RPA2: variants seen among roughly 807,000 people sequenced by gnomAD.
RPA2 encodes the protein replication protein A2.
In RPA2, 22 loss-of-function variants were observed where a neutral mutation model predicts 33.4. The ratio of observed to expected loss-of-function variants is 0.66; its 90% CI spans 0.47 to 0.94. The LOEUF (loss-of-function observed/expected upper bound fraction) is 0.94. Ranked by LOEUF, RPA2 falls within the 40% of genes least tolerant of loss-of-function variation. The pLI is 0.00. For missense variants in RPA2, 279 were observed against 329.9 expected, an observed-to-expected ratio of 0.85 and a Z score of 1.19; for synonymous variants, 109 against 114.9, an observed-to-expected ratio of 0.95 and a Z score of 0.33.
chr1:27,907,555 G>C (rs770432057), intron 2 of RPA2, among the ~76,000 whole-genome samples: 8 of 152,158 alleles, frequency 5.3e-5, no homozygotes, highest in Non-Finnish European at 1.2e-4. Flanking sequence ...AGGTCAGAGT[G>C]GGGGACAGGA....
In RPA2 at chr1:27,914,188, T is replaced by A. The variant is rs1291932875; in HGVS notation, c.11-19A>T. On this transcript the variant is annotated intron_variant, in intron 1 of 8. Coordinates refer to ENST00000373912, the MANE Select transcript of RPA2 (RefSeq NM_002946.5). ...AATCCACCTGTTTTGAACAACAGGA[T>A]TAGTGCCTGTGCCACGTCCCACGCC... The A allele has an allele frequency of 6.2e-7, 1 of 1,613,578 alleles. No individual in the cohort carries two copies. The highest frequency in any genetic ancestry group is 1.7e-5 in the Admixed American group (1 of 59,932).
chr1:27,894,165 A>G (rs1320099951), intron 7 of RPA2, 59 bp from the exon 8 acceptor site: 3 of 1,538,662 alleles, frequency 1.9e-6, no homozygotes, highest in Non-Finnish European at 2.7e-6. Flanking sequence ...CCCCTTTGCA[A>G]ACCTGAGTCC....
Position 27,902,552 on chromosome 1 carries a change from T to C in RPA2, c.333+4376A>G, listed in dbSNP as rs903869247. Among the ~76,000 whole-genome samples the C allele has an allele frequency of 2.7e-4, 41 of 152,044 alleles. 1 individual carries two copies. The highest frequency in any genetic ancestry group is 9.4e-4 in the African/African-American group (39 of 41,404). On this transcript the variant is annotated intron_variant, in intron 4 of 8. Transcript: ENST00000373912. ...ACTCATCTTGGCCTCCCCAAAGTCC[T>C]GGGATTACAGGCATGAGCCACCGCA...
intron 2 of RPA2, among the ~76,000 whole-genome samples, chr1:27,908,147 G>T (rs1349498223): frequency 6.6e-6 from 1 of 151,938 alleles, no homozygotes; most frequent in Non-Finnish European, 1.5e-5. Flanking sequence ...TTTGTTTTGA[G>T]ATGGGGTCTT....
intron 4 of RPA2, among the ~76,000 whole-genome samples, chr1:27,903,867 A>G (rs2089996712): frequency 3.5e-5 from 4 of 115,136 alleles, no homozygotes; most frequent in African/African-American, 2.7e-4. Context: ...CTCTATTTAA[A>G]AAAAAAAAAA....
intron 2 of RPA2, among the ~76,000 whole-genome samples, chr1:27,912,760 C>A (rs1030399351): frequency 5.3e-5 from 8 of 152,084 alleles, no homozygotes; most frequent in Admixed American, 3.3e-4. Flanking sequence ...GATTCTGGAG[C>A]CCCCATGTTC....
At chr1:27,902,887 G>A (rs1434086423) in intron 4 of RPA2, among the ~76,000 whole-genome samples, 1 of 151,204 alleles carries the variant, frequency 6.6e-6, no homozygotes, top group Non-Finnish European at 1.5e-5. Context: ...AATGTCAAAT[G>A]TGTATTTCCC....
At position 27,907,270 on chromosome 1, in the gene RPA2, G is replaced by C. The variant is rs781090246; in HGVS notation, c.130C>G (p.Gln44Glu). ...QAEKKSRARA[Q>E]HIVPCTISQL... ...GATATAGTACAGGGCACAATGTGCT[G>C]GGCTCGGGCTCTCTGAAAAGAAAAA... The change falls in exon 3 of 9, where the codon CAG becomes GAG. Residue 44 changes from glutamine to glutamate, a missense_variant. This residue lies in a region of RPA2 where 274 missense variants were observed against 310.3 expected (regional missense o/e 0.88). Transcript: ENST00000373912. 1 of 1,597,976 alleles carries C rather than the reference G, an allele frequency of 6.3e-7. No individual in the cohort carries two copies. The highest frequency in any genetic ancestry group is 8.5e-7 in the Non-Finnish European group (1 of 1,174,942).
chr1:27,897,216 T>C, intron 5 of RPA2, 95 bp from the exon 6 acceptor site: 1 of 826,236 alleles, frequency 1.2e-6, no homozygotes, highest in Non-Finnish European at 1.9e-6. Flanking sequence ...AATATTAATA[T>C]TTCACCAATA....
At chr1:27,901,712 G>A (rs1238992192) in intron 4 of RPA2, among the ~76,000 whole-genome samples, 1 of 152,020 alleles carries the variant, frequency 6.6e-6, no homozygotes, top group Non-Finnish European at 1.5e-5. Flanking sequence ...ACAAACTTTG[G>A]GACTAGTAGA....
In RPA2 at chr1:27,907,165, A is replaced by C; in HGVS notation, c.219+16T>G. On this transcript the variant is annotated intron_variant, in intron 3 of 8. Transcript: ENST00000373912. Reference sequence around the variant, plus strand: ...TATTATGAGTAAGTGATTCTTTCACAAATTATTTGACATACCTGTGAAATC... The same window carrying C: ...TATTATGAGTAAGTGATTCTTTCACCAATTATTTGACATACCTGTGAAATC... The C allele has an allele frequency of 1.9e-6, 3 of 1,603,020 alleles. No homozygotes were observed. Among genetic ancestry groups the C allele is most frequent in the Non-Finnish European group, 2.6e-6 (3 of 1,175,372 alleles).
At chr1:27,908,448 G>A (rs2090058111) in intron 2 of RPA2, among the ~76,000 whole-genome samples, 1 of 151,910 alleles carries the variant, frequency 6.6e-6, no homozygotes, top group African/African-American at 2.4e-5. Flanking sequence ...GTCTTAGGGG[G>A]AAGAGGCAGG....
At chr1:27,895,733 A>AAAAAAC (rs1021014538) in intron 6 of RPA2, among the ~76,000 whole-genome samples, 2 of 152,176 alleles carry the variant, frequency 1.3e-5, no homozygotes, top group Non-Finnish European at 2.9e-5. Flanking sequence ...TCTGTCTCAA[A>AAAAAAC]AAAAACAAAA....
chr1:27,906,804 GA>G (rs2090034327), intron 4 of RPA2, 123 bp downstream of exon 4: 6 of 637,444 alleles, frequency 9.4e-6, no homozygotes, highest in South Asian at 9.0e-5. Flanking sequence ...TTTTACTTTA[GA>G]GTATCTGTCT....
At chr1:27,912,092 TCA>T (rs2090103920) in intron 2 of RPA2, among the ~76,000 whole-genome samples, 5 of 112,350 alleles carry the variant, frequency 4.5e-5, no homozygotes, top group Admixed American at 4.1e-4. Flanking sequence ...AGACTCTGTC[TCA>T]AAAAAAAAAA....
chr1:27,907,781 G>T lies in RPA2; in HGVS notation c.118-499C>A, dbSNP rs1457075311. On this transcript the variant is annotated intron_variant, in intron 2 of 8. Transcript: ENST00000373912. ...TAGAAGAATAGCTTCTTGTAGGACA[G>T]ATTTTTTGACTATCAAATGGAGCTC... Among the ~76,000 whole-genome samples the T allele has an allele frequency of 2.6e-5, 4 of 152,300 alleles. No homozygotes were observed. In the East Asian group the frequency reaches 5.8e-4, roughly 22 times the overall value.
At chr1:27,901,432 A>G (rs987354051) in intron 4 of RPA2, among the ~76,000 whole-genome samples, 9 of 151,374 alleles carry the variant, frequency 5.9e-5, no homozygotes, top group Non-Finnish European at 1.3e-4. Flanking sequence ...GCGCGATCTC[A>G]GCTCACTGCA....
upstream of RPA2, chr1:27,914,704 C>G (rs1323167645): frequency 6.2e-7 from 1 of 1,608,374 alleles, no homozygotes; most frequent in Admixed American, 1.7e-5. Context: ...CTCCAAAAGC[C>G]TCCGCGGCCA....
chr1:27,898,570 G>A (rs1319346927), intron 4 of RPA2, among the ~76,000 whole-genome samples: 1 of 143,270 alleles, frequency 7.0e-6, no homozygotes, highest in Admixed American at 7.1e-5. Flanking sequence ...TTGAGACGAA[G>A]TGTCTTGCTC....
Sources: allele counts gnomAD v4.1 joint callset (sites outside exome capture counted in the v4.1 genomes callset), GRCh38; gene constraint gnomAD v4.1.1; regional missense constraint gnomAD v4.1.1; transcripts MANE v1.5; gene names NCBI Gene and HGNC (gene_info 2026-07-23, HGNC 2026-07-21).